DOCK1: variants seen among roughly 807,000 people sequenced by gnomAD.
The protein encoded by DOCK1 is dedicator of cytokinesis protein 1.
A neutral mutation model predicts 262.7 loss-of-function variants in DOCK1; 138 were observed. The ratio of observed to expected loss-of-function variants is 0.53; its 90% CI spans 0.46 to 0.61. The LOEUF is 0.61. Ranked by LOEUF, DOCK1 falls within the 20% of genes least tolerant of loss-of-function variation. DOCK1 has a pLI of 0.00. For missense variants in DOCK1, 1,908 were observed against 2,370.7 expected (o/e 0.80, Z 4.05); for synonymous variants, 866 against 867.4 (o/e 1.00, Z 0.03).
chr10:127,208,775 T>C (rs1004984873), intron 27 of DOCK1, among the ~76,000 whole-genome samples: 1 of 152,252 alleles, frequency 6.6e-6, no homozygotes, highest in Admixed American at 6.5e-5. Context: ...TATCATCTGT[T>C]AGATGATATC....
intron 29 of DOCK1, among the ~76,000 whole-genome samples, chr10:127,280,365 A>G (rs1333666503): frequency 6.6e-6 from 1 of 151,880 alleles, no homozygotes; most frequent in Non-Finnish European, 1.5e-5. Context: ...AAAAGGGGAA[A>G]CCTTTGTTCT....
At chr10:126,953,254 TGGTGATG>T (rs2036467826) in intron 1 of DOCK1, among the ~76,000 whole-genome samples, 1 of 151,354 alleles carries the variant, frequency 6.6e-6, no homozygotes, top group Non-Finnish European at 1.5e-5. Context: ...GTGGTGGTAT[TGGTGATG>T]GTGGTGGTGG....
intron 1 of DOCK1, among the ~76,000 whole-genome samples, chr10:126,949,530 C>T (rs1258242211): frequency 6.6e-6 from 1 of 152,108 alleles, no homozygotes. Context: ...GGCATCAGTA[C>T]ATCCCCTGCT....
At chr10:126,959,891 C>T (rs2134515349) in intron 1 of DOCK1, among the ~76,000 whole-genome samples, 1 of 152,048 alleles carries the variant, frequency 6.6e-6, no homozygotes, top group Admixed American at 6.6e-5. Flanking sequence ...AATCTCGGCT[C>T]ACTGCAACCC....
chr10:127,417,047 C>T (rs916482800), intron 44 of DOCK1, among the ~76,000 whole-genome samples: 1 of 152,186 alleles, frequency 6.6e-6, no homozygotes, highest in Non-Finnish European at 1.5e-5. Flanking sequence ...TGCTGACGGA[C>T]AGAATCGCCC....
chr10:127,035,978 T>G (rs946854), intron 18 of DOCK1, among the ~76,000 whole-genome samples: 55,717 of 150,776 alleles, frequency 0.37, 10,862 homozygotes, highest in Non-Finnish European at 0.43. Context: ...CCCCAGCCTG[T>G]ATGACAGAGT....
At chr10:127,334,049 A>G (rs75529639) in intron 29 of DOCK1, among the ~76,000 whole-genome samples, 3,901 of 152,288 alleles carry the variant, frequency 0.026, 66 homozygotes, top group Non-Finnish European at 0.042. Context: ...TTAAAATTCT[A>G]TTGTAAATTG....
chr10:127,328,666 G>T (rs1357027789), intron 29 of DOCK1, among the ~76,000 whole-genome samples: 1 of 152,174 alleles, frequency 6.6e-6, no homozygotes, highest in Non-Finnish European at 1.5e-5. Context: ...GGGAGGCGAG[G>T]TCTCTGGTTG....
chr10:126,950,689 A>G (rs914647934), intron 1 of DOCK1, among the ~76,000 whole-genome samples: 3,451 of 152,232 alleles, frequency 0.023, 54 homozygotes, highest in Middle Eastern at 0.054. Context: ...GGGCGGCAGC[A>G]TGCCCTCCTT....
At chr10:127,447,069 CGA>C (rs2070614468) in intron 50 of DOCK1, among the ~76,000 whole-genome samples, 1 of 152,166 alleles carries the variant, frequency 6.6e-6, no homozygotes, top group Non-Finnish European at 1.5e-5. Flanking sequence ...TAACTTCCAC[CGA>C]GGCAGGGGGC....
chr10:127,445,194 C>A (rs2070453987), intron 50 of DOCK1, among the ~76,000 whole-genome samples: 1 of 152,134 alleles, frequency 6.6e-6, no homozygotes, highest in Admixed American at 6.5e-5. Context: ...GAGGAGAAAT[C>A]TTGGCAGGGA....
chr10:127,176,430 A>G lies in DOCK1; in HGVS notation c.2847+48666A>G. ...ATTCAGAAACAGCAACAGAGGTGTC[A>G]GTGGGACAGAAATACACACTCAAGC... On this transcript the variant is annotated intron_variant, in intron 27 of 51. Transcript: ENST00000623213. This position sits in a 1 kb window ranked among gnomAD's most constrained non-coding sequence, Gnocchi z 4.4. 1.9e-6 allele frequency: 3 copies of G among 1,551,084 alleles called. No individual in the cohort carries two copies. The highest frequency in any genetic ancestry group is 2.6e-6 in the Non-Finnish European group (3 of 1,146,116).
intron 18 of DOCK1, among the ~76,000 whole-genome samples, chr10:127,037,212 C>T (rs1336061694): frequency 3.9e-5 from 6 of 152,282 alleles, no homozygotes; most frequent in Admixed American, 2.0e-4. Flanking sequence ...TCAGTGCAGG[C>T]GTGGTCTCAG....
intron 38 of DOCK1, among the ~76,000 whole-genome samples, chr10:127,392,246 G>C (rs1055986779): frequency 6.9e-5 from 8 of 116,384 alleles, no homozygotes; most frequent in African/African-American, 2.7e-4. Context: ...TGATTCAGCT[G>C]GTCTGGGGTG....
chr10:127,050,195 A>G (rs1420098788), intron 21 of DOCK1, among the ~76,000 whole-genome samples: 1 of 151,470 alleles, frequency 6.6e-6, no homozygotes, highest in African/African-American at 2.4e-5. Context: ...CTAGAGTTGG[A>G]ATTCCTGGTG....
intron 33 of DOCK1, among the ~76,000 whole-genome samples, chr10:127,364,819 C>T (rs1460095797): frequency 1.3e-5 from 2 of 151,928 alleles, no homozygotes; most frequent in Admixed American, 1.3e-4. Flanking sequence ...TTCCTCCCTC[C>T]CTCCCTTTCT....
chr10:126,942,425 G>T (rs2035084971), intron 1 of DOCK1, among the ~76,000 whole-genome samples: 1 of 152,168 alleles, frequency 6.6e-6, no homozygotes, highest in Non-Finnish European at 1.5e-5. Context: ...GTGGGGTGAA[G>T]CTCACTTTTA....
chr10:127,412,377 C>T (rs1468426120), intron 43 of DOCK1, among the ~76,000 whole-genome samples: 1 of 152,140 alleles, frequency 6.6e-6, no homozygotes, highest in Non-Finnish European at 1.5e-5. Context: ...TGGTCTTGAA[C>T]TCCTGGGCTC....
chr10:127,362,786 AAAT>A (rs1157706632), intron 33 of DOCK1, among the ~76,000 whole-genome samples: 1 of 118,808 alleles, frequency 8.4e-6, no homozygotes, highest in African/African-American at 3.1e-5. Flanking sequence ...GATCCCAAGA[AAAT>A]AAGTATACTG....
Sources: allele counts gnomAD v4.1 joint callset (sites outside exome capture counted in the v4.1 genomes callset), GRCh38; gene constraint gnomAD v4.1.1; non-coding constraint Gnocchi (gnomAD v3.1); transcripts MANE v1.5; gene names NCBI Gene and HGNC (gene_info 2026-07-23, HGNC 2026-07-21).